SLC1A2: variants seen among roughly 807,000 people sequenced by gnomAD.
The protein encoded by SLC1A2 is solute carrier family 1 member 2.
Under a neutral mutation model 48.8 loss-of-function variants are expected in SLC1A2, and 15 were observed. That is an observed-to-expected ratio of 0.31 (90% CI 0.21 to 0.47). The LOEUF is 0.47. Among genes scored for constraint, SLC1A2 ranks in the 20% least tolerant of loss-of-function variants. The probability of loss-of-function intolerance (pLI) is 0.99; values close to 1 mark genes in which losing one functional copy is unlikely to be tolerated. For synonymous variants in SLC1A2, 279 were observed against 272.6 expected (o/e 1.02, Z -0.23); for missense variants, 502 against 730.5 (o/e 0.69, Z 3.61).
chr11:35,413,541 A>C (rs960885925), intron 1 of SLC1A2: 1 of 152,186 alleles, frequency 6.6e-6, no homozygotes, highest in African/African-American at 2.4e-5. Context: ...TTGTCATCAG[A>C]TCTCCCAATT....
Position 35,260,841 on chromosome 11 carries a change from T to C in SLC1A2, c.*53A>G. 1 of 1,214,294 alleles carries C rather than the reference T, an allele frequency of 8.2e-7. No individual in the cohort carries two copies. Among genetic ancestry groups the C allele is most frequent in the East Asian group, 2.3e-5 (1 of 43,022 alleles). The allele number at this position is 1,214,294 out of a possible 1,614,324, so 75.2% of individuals were successfully genotyped here. ...AAGAAAGCTTGTTTATATCATCAGT[T>C]ACCATAGGATACGCTGGGGAGTTTA... On this transcript the variant is annotated 3_prime_UTR_variant, in exon 11 of 11. Coordinates refer to ENST00000278379, the MANE Select transcript of SLC1A2 (RefSeq NM_004171.4).
At chr11:35,269,848 G>A (rs891331979) in intron 9 of SLC1A2, among the ~76,000 whole-genome samples, 5 of 152,280 alleles carry the variant, frequency 3.3e-5, no homozygotes, top group South Asian at 4.1e-4. Context: ...AGTGGCTCAC[G>A]CCTGCAATCC....
chr11:35,267,613 C>T (rs1033014409), intron 9 of SLC1A2, among the ~76,000 whole-genome samples: 10 of 152,070 alleles, frequency 6.6e-5, no homozygotes, highest in African/African-American at 2.4e-4. Context: ...CCTATGGCAA[C>T]GCTCCCAACT....
chr11:35,308,459 C>T (rs1402838912), intron 4 of SLC1A2, among the ~76,000 whole-genome samples: 1 of 152,122 alleles, frequency 6.6e-6, no homozygotes, highest in Non-Finnish European at 1.5e-5. Context: ...GACAGAATAC[C>T]TAAGACTGGA....
chr11:35,311,344 G>T (rs933414237), intron 4 of SLC1A2, among the ~76,000 whole-genome samples: 1 of 152,106 alleles, frequency 6.6e-6, no homozygotes, highest in Non-Finnish European at 1.5e-5. Flanking sequence ...ATTTTTAGTA[G>T]AGATGGGGTT....
chr11:35,299,887 A>T (rs1851295834), intron 6 of SLC1A2, among the ~76,000 whole-genome samples: 1 of 152,322 alleles, frequency 6.6e-6, no homozygotes, highest in Admixed American at 6.5e-5. Flanking sequence ...GGAATAGGTA[A>T]CCCAGAATTC....
intron 1 of SLC1A2, among the ~76,000 whole-genome samples, chr11:35,337,398 T>C (rs553021301): frequency 1.3e-5 from 2 of 152,310 alleles, no homozygotes; most frequent in African/African-American, 4.8e-5. Flanking sequence ...TGGTAATCTT[T>C]GTGTAAAACA....
At chr11:35,291,896 A>C (rs553252529) in intron 7 of SLC1A2, 3 of 178,288 alleles carry the variant, frequency 1.7e-5, no homozygotes, top group African/African-American at 7.1e-5. Context: ...ATCTTCAAAG[A>C]GTAATATTTT....
At chr11:35,277,508 T>C (rs1850480557) in intron 9 of SLC1A2, among the ~76,000 whole-genome samples, 1 of 152,180 alleles carries the variant, frequency 6.6e-6, no homozygotes, top group Non-Finnish European at 1.5e-5. Context: ...TATTAGTGCA[T>C]TTTTTTCCAC....
chr11:35,307,625 C>A (rs995560427), intron 4 of SLC1A2, among the ~76,000 whole-genome samples: 4 of 152,156 alleles, frequency 2.6e-5, no homozygotes, highest in African/African-American at 9.7e-5. Flanking sequence ...AGAAGATGTA[C>A]GGGAAAGTCA....
At chr11:35,261,212 C>T (rs1950389224) in intron 10 of SLC1A2, among the ~76,000 whole-genome samples, 2 of 152,254 alleles carry the variant, frequency 1.3e-5, no homozygotes, top group East Asian at 1.9e-4. Context: ...TGGGGAATAA[C>T]TTCTACTATG....
intron 1 of SLC1A2, among the ~76,000 whole-genome samples, chr11:35,336,910 A>T (rs1852654250): frequency 6.6e-6 from 1 of 152,182 alleles, no homozygotes; most frequent in Non-Finnish European, 1.5e-5. Flanking sequence ...ACCAAATCCC[A>T]AATTTTCCAT....
intron 6 of SLC1A2, among the ~76,000 whole-genome samples, chr11:35,300,090 T>A (rs537974709): frequency 1.3e-5 from 2 of 152,302 alleles, no homozygotes; most frequent in African/African-American, 4.8e-5. Flanking sequence ...TAGATACTCA[T>A]GCTCTCCTAG....
intron 7 of SLC1A2, among the ~76,000 whole-genome samples, chr11:35,290,273 C>T (rs951433013): frequency 6.6e-6 from 1 of 152,166 alleles, no homozygotes; most frequent in Non-Finnish European, 1.5e-5. Context: ...ATGTTTGTCA[C>T]AGCCCTGTTT....
intron 3 of SLC1A2, among the ~76,000 whole-genome samples, chr11:35,314,785 C>CTTTTTTTTTTTT (rs5791048): frequency 9.9e-5 from 14 of 140,992 alleles, no homozygotes; most frequent in Non-Finnish European, 1.5e-4. Flanking sequence ...CTTTTCTTTT[C>CTTTTTTTTTTTT]TTTTTTTTTT....
chr11:35,380,604 A>G lies in SLC1A2; in HGVS notation c.17+38346T>C, dbSNP rs1590250975. On this transcript the variant is annotated intron_variant, in intron 1 of 10. Transcript: ENST00000278379. ...TCCCTCTTTCCCTTTCTTCCAATCAATTCTGTTCCATCAGGAACCCCTCAT... is the reference window on the plus strand; with the variant it reads ...TCCCTCTTTCCCTTTCTTCCAATCAGTTCTGTTCCATCAGGAACCCCTCAT... 4 of 392,328 alleles carry G rather than the reference A, an allele frequency of 1.0e-5. No individual in the cohort carries two copies. The East Asian group carries it at 1.4e-4, about 14-fold the overall frequency. The allele number at this position is 392,328 out of a possible 1,614,324, so 24.3% of individuals were successfully genotyped here. A position where few individuals can be genotyped will look rare whatever the true frequency, so the allele number is the denominator to read the frequency against.
At chr11:35,334,446 CGTT>C (rs1234643946) in intron 1 of SLC1A2, among the ~76,000 whole-genome samples, 1 of 152,166 alleles carries the variant, frequency 6.6e-6, no homozygotes, top group Non-Finnish European at 1.5e-5. Context: ...GAGCGAATCA[CGTT>C]GTTGTTACTA....
chr11:35,395,209 T>G (rs1854913499), intron 1 of SLC1A2, among the ~76,000 whole-genome samples: 1 of 151,478 alleles, frequency 6.6e-6, no homozygotes, highest in African/African-American at 2.4e-5. Context: ...CCTCAAGCCA[T>G]GCACCAACAC....
intron 7 of SLC1A2, 35 bp downstream of exon 7, chr11:35,292,252 G>T: frequency 6.8e-7 from 1 of 1,476,084 alleles, no homozygotes; most frequent in South Asian, 1.2e-5. Context: ...GCAAAAGAGT[G>T]AGCAAAGAGA....
Sources: allele counts gnomAD v4.1 joint callset (sites outside exome capture counted in the v4.1 genomes callset), GRCh38; gene constraint gnomAD v4.1.1; transcripts MANE v1.5; gene names NCBI Gene and HGNC (gene_info 2026-07-23, HGNC 2026-07-21).